CALHM3: variants seen among roughly 807,000 people sequenced by gnomAD.
CALHM3 encodes the protein calcium homeostasis modulator 3.
CALHM3 carries 9 observed loss-of-function variants against 13.6 expected under a neutral mutation model. The observed-to-expected ratio is 0.66, with a 90% CI of 0.40 to 1.15. The LOEUF is 1.15. Among genes scored for constraint, CALHM3 ranks in the 50% most tolerant of loss-of-function variants. The pLI, the probability that CALHM3 is intolerant of heterozygous loss-of-function variation, is 0.01. For synonymous variants in CALHM3, 231 were observed against 213.2 expected (o/e 1.08, Z -0.73); for missense variants, 497 against 463.4 (o/e 1.07, Z -0.67).
At position 103,473,400 on chromosome 10, in the gene CALHM3, C is replaced by A; in HGVS notation, c.848G>T (p.Gly283Val). 1 of 1,485,520 alleles carries A rather than the reference C, an allele frequency of 6.7e-7. No homozygotes were observed. The highest frequency in any genetic ancestry group is 8.9e-7 in the Non-Finnish European group (1 of 1,120,014). The allele number at this position is 1,485,520 out of a possible 1,614,324, so 92.0% of individuals were successfully genotyped here. A position where few individuals can be genotyped will look rare whatever the true frequency, so the allele number is the denominator to read the frequency against. Residue 283 changes from glycine (G) to valine (V), a missense_variant, in exon 3 of 3, where the codon GGA becomes GTA. Physicochemically the swap from Gly to Val is moderately radical, Grantham distance 109 (BLOSUM62 -3). Transcript: ENST00000369783. ...TGCGCGCAGGTGGGCCTTCCCACTT[C>A]CACTATCCAGGCCTTCTGGGGGCTC... is the stretch of plus-strand genomic sequence containing the variant. ...VPEPPEGLDS[G>V]SGKAHLRAIS... is the part of the protein sequence containing the mutation.
chr10:103,475,915 C>T (rs2033382240), intron 2 of CALHM3, among the ~76,000 whole-genome samples: 1 of 152,198 alleles, frequency 6.6e-6, no homozygotes, highest in South Asian at 2.1e-4. Flanking sequence ...GACACTCCTT[C>T]CGATCCCTGC....
At chr10:103,474,308 CCTAA>C (rs1158298900) in intron 2 of CALHM3, among the ~76,000 whole-genome samples, 1 of 152,158 alleles carries the variant, frequency 6.6e-6, no homozygotes, top group Non-Finnish European at 1.5e-5. Context: ...CAGTCAAGCT[CCTAA>C]CTATCCTTCC....
chr10:103,477,495 G>A (rs1158448525), intron 1 of CALHM3, among the ~76,000 whole-genome samples: 8 of 152,238 alleles, frequency 5.3e-5, no homozygotes, highest in Admixed American at 3.3e-4. Context: ...CCAATGGTGT[G>A]TGCCAGGTGT....
In CALHM3 at chr10:103,472,840, A is replaced by T; in HGVS notation, c.*373T>A. 1 of 205,532 alleles carries T rather than the reference A, an allele frequency of 4.9e-6. No individual in the cohort carries two copies. The allele number at this position is 205,532 out of a possible 1,614,324, so 12.7% of individuals were successfully genotyped here. A position where few individuals can be genotyped will look rare whatever the true frequency, so the allele number is the denominator to read the frequency against. The stretch of plus-strand genomic sequence containing the variant: ...CAGACTAAGGTCATTATTATTATTT[A>T]GAATTGACATCTAGAACCCAGAACC... On this transcript the variant is annotated 3_prime_UTR_variant, in exon 3 of 3. Coordinates refer to ENST00000369783, the MANE Select transcript of CALHM3 (RefSeq NM_001129742.2).
chr10:103,477,875 C>CCCA (rs1398080518), intron 1 of CALHM3, among the ~76,000 whole-genome samples: 14 of 152,074 alleles, frequency 9.2e-5, no homozygotes, highest in Admixed American at 9.2e-4. Context: ...GCCTGGCCCC[C>CCCA]CCACCCAATC....
chr10:103,477,313 T>C (rs2133832872), intron 1 of CALHM3, among the ~76,000 whole-genome samples: 1 of 152,222 alleles, frequency 6.6e-6, no homozygotes, highest in East Asian at 1.9e-4. Context: ...AGGAGCCCAG[T>C]GGAGCTGTGC....
At position 103,479,052 on chromosome 10, in the gene CALHM3, G is replaced by A. The variant is rs12267688; in HGVS notation, c.-20C>T. On this transcript the variant is annotated 5_prime_UTR_variant, in exon 1 of 3. Coordinates refer to ENST00000369783, the MANE Select transcript of CALHM3 (RefSeq NM_001129742.2). Reference sequence around the variant, plus strand: ...ATCCATGGCTCCAGCCTGGGTGGGTGGGCGGCCGTCGGTTCGGCTCAGTGA... The same window carrying A: ...ATCCATGGCTCCAGCCTGGGTGGGTAGGCGGCCGTCGGTTCGGCTCAGTGA... 0.01 allele frequency: 15,495 copies of A among 1,534,922 alleles called. 1,288 individuals are homozygous for A. The African/African-American group carries it at 0.18, about 18-fold the overall frequency.
intron 2 of CALHM3, among the ~76,000 whole-genome samples, chr10:103,475,342 C>T (rs1592163558): frequency 6.6e-6 from 1 of 152,190 alleles, no homozygotes; most frequent in South Asian, 2.1e-4. Context: ...ATTTTATACA[C>T]GAGAGTAGAA....
At position 103,473,717 on chromosome 10, in the gene CALHM3, G is replaced by A; in HGVS notation, c.544-13C>T. On this transcript the variant is annotated splice_polypyrimidine_tract_variant and intron_variant, in intron 2 of 2. Coordinates refer to ENST00000369783, the MANE Select transcript of CALHM3 (RefSeq NM_001129742.2). ...TCCAGCCGATGGCCTGCAAAGTAAG[G>A]AGGCCCGAGGTTAGATGTGAGTGGG... The A allele has an allele frequency of 6.5e-7, 1 of 1,539,348 alleles. No individual in the cohort carries two copies. Among genetic ancestry groups the A allele is most frequent in the Non-Finnish European group, 8.8e-7 (1 of 1,142,410 alleles).
Position 103,473,628 on chromosome 10 carries a change from T to G in CALHM3, c.620A>C (p.Gln207Pro), listed in dbSNP as rs201728558. The change falls in exon 3 of 3, where the codon CAG becomes CCG. Residue 207 changes from glutamine (Q) to proline (P), a missense_variant. Gln to Pro is a moderately conservative substitution (Grantham distance 76). Transcript: ENST00000369783. ...LARCLRPCFD[Q>P]TVFLQRRYWS... ...GTATCTGCGCTGCAGGAAGACTGTC[T>G]GGTCGAAGCAGGGCCTCAGGCAGCG... is the stretch of plus-strand genomic sequence containing the variant. 1.7e-5 allele frequency: 26 copies of G among 1,551,322 alleles called. No individual in the cohort carries two copies. Among genetic ancestry groups the G allele is most frequent in the Non-Finnish European group, 2.1e-5 (24 of 1,147,012 alleles).
Position 103,473,318 on chromosome 10 carries a change from C to A in CALHM3, c.930G>T (p.Pro310=). Reference sequence around the variant, plus strand: ...CGGGGGATGCAGCCAGGTCCAGCGGCGGCTTGCTGGAGTACCACGTGCTTA... The same window carrying A: ...CGGGGGATGCAGCCAGGTCCAGCGGAGGCTTGCTGGAGTACCACGTGCTTA... ...RLLSTWYSSK[P]PLDLAASPGL... is the part of the protein sequence containing the mutation. Residue 310 remains proline (P), a synonymous_variant, in exon 3 of 3, where the codon CCG becomes CCT. Transcript: ENST00000369783. The A allele has an allele frequency of 6.7e-7, 1 of 1,495,804 alleles. No individual in the cohort carries two copies. The highest frequency in any genetic ancestry group is 8.9e-7 in the Non-Finnish European group (1 of 1,118,016). The allele number at this position is 1,495,804 out of a possible 1,614,324, so 92.7% of individuals were successfully genotyped here. A position where few individuals can be genotyped will look rare whatever the true frequency, so the allele number is the denominator to read the frequency against.
chr10:103,477,486 C>A (rs897482132), intron 1 of CALHM3, among the ~76,000 whole-genome samples: 1 of 152,228 alleles, frequency 6.6e-6, no homozygotes, highest in Non-Finnish European at 1.5e-5. Context: ...ACAAAACATC[C>A]AATGGTGTGT....
Position 103,478,856 on chromosome 10 carries a change from G to C in CALHM3, c.177C>G (p.Pro59=). ...ALYGLGLLLT[P]PLALFLCGLL... Reference sequence around the variant, plus strand: ...GGCCGCAGAGAAACAGGGCGAGCGGGGGCGTCAGCAGCAGGCCCAGGCCGT... The same window carrying C: ...GGCCGCAGAGAAACAGGGCGAGCGGCGGCGTCAGCAGCAGGCCCAGGCCGT... The change falls in exon 1 of 3, where the codon CCC becomes CCG. Residue 59 remains proline, a synonymous_variant. Transcript: ENST00000369783. The C allele has an allele frequency of 6.4e-7, 1 of 1,551,720 alleles. No homozygotes were observed. Among genetic ancestry groups the C allele is most frequent in the South Asian group, 1.2e-5 (1 of 84,066 alleles).
chr10:103,475,218 C>T (rs1242908857), intron 2 of CALHM3, among the ~76,000 whole-genome samples: 1 of 152,156 alleles, frequency 6.6e-6, no homozygotes, highest in East Asian at 1.9e-4. Flanking sequence ...GTCTCTAAAC[C>T]ACAGGGACAT....
Position 103,473,190 on chromosome 10 carries a change from C to A in CALHM3, c.*23G>T. ...CGCGGCATTTCACCTGCGAACACTG[C>A]CGCTTCAAGCCTGGCCAGGACCCTA... On this transcript the variant is annotated 3_prime_UTR_variant, in exon 3 of 3. Transcript: ENST00000369783. The A allele has an allele frequency of 1.8e-5, 24 of 1,331,978 alleles. No individual in the cohort carries two copies. Among genetic ancestry groups the A allele is most frequent in the Non-Finnish European group, 1.5e-5 (16 of 1,037,208 alleles). The allele number at this position is 1,331,978 out of a possible 1,614,324, so 82.5% of individuals were successfully genotyped here. A position where few individuals can be genotyped will look rare whatever the true frequency, so the allele number is the denominator to read the frequency against.
chr10:103,473,795 T>C, intron 2 of CALHM3, 91 bp from the exon 3 acceptor site: 1 of 1,377,554 alleles, frequency 7.3e-7, no homozygotes. Context: ...ATGTTGCATA[T>C]TTAATTTGAT....
chr10:103,474,746 C>T (rs2033370191), intron 2 of CALHM3, among the ~76,000 whole-genome samples: 1 of 152,198 alleles, frequency 6.6e-6, no homozygotes, highest in South Asian at 2.1e-4. Context: ...TGAGCCACCA[C>T]GCCCGGCCCC....
In CALHM3 at chr10:103,472,829, T is replaced by G; in HGVS notation, c.*384A>C. ...TATCGAGGCAGCAGACTAAGGTCAT[T>G]ATTATTATTTAGAATTGACATCTAG... On this transcript the variant is annotated 3_prime_UTR_variant, in exon 3 of 3. Coordinates refer to ENST00000369783, the MANE Select transcript of CALHM3 (RefSeq NM_001129742.2). 1.1e-5 allele frequency: 2 copies of G among 188,798 alleles called. No individual in the cohort carries two copies. Among genetic ancestry groups the G allele is most frequent in the Non-Finnish European group, 2.1e-5 (2 of 93,072 alleles). The allele number at this position is 188,798 out of a possible 1,614,324, so 11.7% of individuals were successfully genotyped here.
At position 103,473,040 on chromosome 10, in the gene CALHM3, A is replaced by C; in HGVS notation, c.*173T>G. On this transcript the variant is annotated 3_prime_UTR_variant, in exon 3 of 3. Transcript: ENST00000369783. ...ACCGAGTCCACATTAAAGTTTGTGA[A>C]GCGCGCTGGAGGCCACACCCAGAAA... 1 of 592,898 alleles carries C rather than the reference A, an allele frequency of 1.7e-6. No individual in the cohort carries two copies. 36.7% of individuals were successfully genotyped at this position (592,898 alleles called of 1,614,324 possible).
Sources: allele counts gnomAD v4.1 joint callset (sites outside exome capture counted in the v4.1 genomes callset), GRCh38; gene constraint gnomAD v4.1.1; transcripts MANE v1.5; gene names NCBI Gene and HGNC (gene_info 2026-07-23, HGNC 2026-07-21).